The following DYNC1H1 variants were observed in gnomAD, a reference collection of about 807,000 sequenced individuals.
DYNC1H1 encodes the protein dynein cytoplasmic 1 heavy chain 1, also known as cytoplasmic dynein 1 heavy chain 1.
In DYNC1H1, 51 loss-of-function variants were observed where a neutral mutation model predicts 527.1. That is an observed-to-expected ratio of 0.10 (90% CI 0.08 to 0.12). The LOEUF (loss-of-function observed/expected upper bound fraction) is 0.12, where lower values mean the gene tolerates loss of function less well. Among genes scored for constraint, DYNC1H1 ranks in the 10% least tolerant of loss-of-function variants. The pLI is 1.00. For missense variants in DYNC1H1, 2,771 were observed against 5,971.8 expected (o/e 0.46, Z 17.66); for synonymous variants, 2,189 against 2,278.8 (o/e 0.96, Z 1.12).
rs936137952 is a variant in DYNC1H1, at chr14:102,033,553, C to T, written c.10413+69C>T. ...GCAGAGATTAACACACTTCAACATG[C>T]GCTGCATGCACCATGCTGGCCTCGG... On this transcript the variant is annotated intron_variant, in intron 54 of 77. Coordinates refer to ENST00000360184, the MANE Select transcript of DYNC1H1 (RefSeq NM_001376.5). The surrounding 1 kb of genome is among the most constrained non-coding windows in gnomAD (Gnocchi z 5.6). 3.8e-6 allele frequency: 6 copies of T among 1,577,800 alleles called. No homozygotes were observed. In the South Asian group the frequency reaches 5.6e-5, roughly 15 times the overall value.
intron 29 of DYNC1H1, chr14:102,009,221 G>A (rs1360319639): frequency 2.6e-5 from 4 of 154,564 alleles, no homozygotes; most frequent in Non-Finnish European, 4.3e-5. Flanking sequence ...TATTGGGTAA[G>A]TGTGAAATTC....
At chr14:101,975,133 A>C (rs1404161006) in intron 1 of DYNC1H1, among the ~76,000 whole-genome samples, 2 of 152,174 alleles carry the variant, frequency 1.3e-5, no homozygotes, top group African/African-American at 4.8e-5. Flanking sequence ...CAAACTTCTG[A>C]ATTCTCACAT....
At chr14:101,984,446 TTA>T (rs1264190315) in intron 7 of DYNC1H1, among the ~76,000 whole-genome samples, 1 of 123,580 alleles carries the variant, frequency 8.1e-6, no homozygotes, top group African/African-American at 3.6e-5. Flanking sequence ...TATATATATA[TTA>T]TATTTTTTTT....
Position 102,044,757 on chromosome 14 carries a change from G to A in DYNC1H1, c.13006+59G>A, listed in dbSNP as rs1419012211. Reference sequence around the variant, plus strand: ...GGGTGGCGAGGGTCCCCTCACGCGGGGTGGGTGGCGAGGGTCCCCACACGC... The same window carrying A: ...GGGTGGCGAGGGTCCCCTCACGCGGAGTGGGTGGCGAGGGTCCCCACACGC... On this transcript the variant is annotated intron_variant, in intron 72 of 77. Transcript: ENST00000360184. This position sits in a 1 kb window ranked among gnomAD's most constrained non-coding sequence, Gnocchi z 7.1. 2.5e-6 allele frequency: 4 copies of A among 1,584,834 alleles called. No homozygotes were observed. The highest frequency in any genetic ancestry group is 4.5e-5 in the East Asian group (2 of 44,738).
intron 2 of DYNC1H1, among the ~76,000 whole-genome samples, chr14:101,977,683 G>T (rs2047817318): frequency 6.6e-6 from 1 of 152,130 alleles, no homozygotes; most frequent in African/African-American, 2.4e-5. Context: ...CTTTAATCTG[G>T]AGTAGTACTT....
At position 102,000,100 on chromosome 14, in the gene DYNC1H1, T is replaced by G; in HGVS notation, c.3916T>G (p.Leu1306Val). The change falls in exon 17 of 78, where the codon TTG becomes GTG. Residue 1306 changes from leucine to valine, a missense_variant. Around this residue, in one of 32 missense-constraint regions of DYNC1H1, gnomAD observed 223 missense variants for 462.5 expected, o/e 0.48. Coordinates refer to ENST00000360184, the MANE Select transcript of DYNC1H1 (RefSeq NM_001376.5). ...KCAKAKEALE[L>V]TDTGLLSGSE... Reference sequence around the variant, plus strand: ...TGCAAAGGCCAAGGAGGCGCTGGAATTGACAGATACTGGGCTTCTCAGTGG... The same window carrying G: ...TGCAAAGGCCAAGGAGGCGCTGGAAGTGACAGATACTGGGCTTCTCAGTGG... The G allele has an allele frequency of 6.2e-7, 1 of 1,614,186 alleles. No individual in the cohort carries two copies. Among genetic ancestry groups the G allele is most frequent in the South Asian group, 1.1e-5 (1 of 91,080 alleles).
rs2152595867 is a variant in DYNC1H1 at position 102,040,686 on chromosome 14, G to A, written c.11941+13G>A. 1 of 1,614,192 alleles carries A rather than the reference G, an allele frequency of 6.2e-7. No homozygotes were observed. On this transcript the variant is annotated intron_variant, in intron 64 of 77. Coordinates refer to ENST00000360184, the MANE Select transcript of DYNC1H1 (RefSeq NM_001376.5). The stretch of plus-strand genomic sequence containing the variant: ...GAAACACCTGCAAGTAAGCCCCACT[G>A]TGGTTTTCTTTCTGGACCTGAATGT...
At chr14:102,013,248 C>CAAAA (rs57229386) in intron 34 of DYNC1H1, among the ~76,000 whole-genome samples, 56 of 41,236 alleles carry the variant, frequency 1.4e-3, no homozygotes, top group South Asian at 3.2e-3. Context: ...GACTCCGTCT[C>CAAAA]AAAAAAAAAA....
Position 102,047,991 on chromosome 14 carries a change from C to A in DYNC1H1, c.13181C>A (p.Thr4394Lys). ...AACTGGCTGCACCTCATCCCCCAGA[C>A]GCTGAGCCACCTCAAGCGCACCGTG... ...ASNWLHLIPQ[T>K]LSHLKRTVEN... Residue 4394 changes from threonine to lysine, a missense_variant, in exon 73 of 78, where the codon ACG becomes AAG. Coordinates refer to ENST00000360184, the MANE Select transcript of DYNC1H1 (RefSeq NM_001376.5). 1.2e-6 allele frequency: 2 copies of A among 1,612,286 alleles called. No homozygotes were observed. The highest frequency in any genetic ancestry group is 1.7e-6 in the Non-Finnish European group (2 of 1,179,962).
Position 102,033,565 on chromosome 14 carries a change from C to T in DYNC1H1, c.10413+81C>T, listed in dbSNP as rs2048534543. The T allele has an allele frequency of 1.3e-6, 2 of 1,555,850 alleles. No individual in the cohort carries two copies. Among genetic ancestry groups the T allele is most frequent in the Non-Finnish European group, 1.8e-6 (2 of 1,141,724 alleles). ...ACACTTCAACATGCGCTGCATGCAC[C>T]ATGCTGGCCTCGGTGAATTCGCTCT... On this transcript the variant is annotated intron_variant, in intron 54 of 77. Transcript: ENST00000360184. This position sits in a 1 kb window ranked among gnomAD's most constrained non-coding sequence, Gnocchi z 5.6.
rs746386497 is a variant in DYNC1H1, at chr14:101,997,140, A to G, written c.3670A>G (p.Ile1224Val). ...GGGAGAGTGGGGAGCCTTCAATGACATCATGCGGCGAAAGGACTCTGCCAT... is the reference window on the plus strand; with the variant it reads ...GGGAGAGTGGGGAGCCTTCAATGACGTCATGCGGCGAAAGGACTCTGCCAT... ...IEGEWGAFND[I>V]MRRKDSAIQQ... Residue 1224 changes from isoleucine to valine, a missense_variant, in exon 16 of 78, where the codon ATC becomes GTC. Transcript: ENST00000360184. The surrounding 1 kb of genome is among the most constrained non-coding windows in gnomAD (Gnocchi z 4.8). 3 of 1,614,162 alleles carry G rather than the reference A, an allele frequency of 1.9e-6. No homozygotes were observed. The highest frequency in any genetic ancestry group is 2.5e-6 in the Non-Finnish European group (3 of 1,180,030).
chr14:102,036,212 G>T lies in DYNC1H1; in HGVS notation c.10755-277G>T, dbSNP rs150740855. ...TTCTAACAGTGCAGGATGCTGAGAG[G>T]ATGATTGTCCCAGAAGGAAAAAGAT... On this transcript the variant is annotated intron_variant, in intron 56 of 77. Transcript: ENST00000360184. This position sits in a 1 kb window ranked among gnomAD's most constrained non-coding sequence, Gnocchi z 5.6. 3 of 415,404 alleles carry T rather than the reference G, an allele frequency of 7.2e-6. No homozygotes were observed. The highest frequency in any genetic ancestry group is 6.3e-5 in the South Asian group (3 of 47,386). The allele number at this position is 415,404 out of a possible 1,614,324, so 25.7% of individuals were successfully genotyped here.
chr14:102,030,551 T>C (rs2048499435), intron 51 of DYNC1H1: 1 of 445,916 alleles, frequency 2.2e-6, no homozygotes, highest in South Asian at 2.3e-5. Flanking sequence ...TGTGTCAATA[T>C]ACGTTTTTAG....
At chr14:101,982,165 T>A (rs1295883313) in intron 5 of DYNC1H1, among the ~76,000 whole-genome samples, 3 of 152,160 alleles carry the variant, frequency 2.0e-5, no homozygotes, top group Non-Finnish European at 4.4e-5. Context: ...GATTGTGCAC[T>A]CCTTATGAGA....
chr14:102,028,251 C>G lies in DYNC1H1; in HGVS notation c.9468+110C>G. 4.6e-6 allele frequency: 6 copies of G among 1,299,600 alleles called. No individual in the cohort carries two copies. The South Asian group carries it at 7.5e-5, about 16-fold the overall frequency. 80.5% of individuals were successfully genotyped at this position (1,299,600 alleles called of 1,614,324 possible). A position where few individuals can be genotyped will look rare whatever the true frequency, so the allele number is the denominator to read the frequency against. ...TTAAGGCCAGGTGCAGTGACTCATG[C>G]CTGTAATCCCAGCACTTTGGGAGGC... On this transcript the variant is annotated intron_variant, in intron 48 of 77. Coordinates refer to ENST00000360184, the MANE Select transcript of DYNC1H1 (RefSeq NM_001376.5).
intron 8 of DYNC1H1, among the ~76,000 whole-genome samples, 160 bp from the exon 9 acceptor site, chr14:101,987,293 G>A (rs1007749839): frequency 2.0e-5 from 3 of 152,244 alleles, no homozygotes; most frequent in Non-Finnish European, 2.9e-5. Context: ...ACATGCGAGT[G>A]GGGATTAGTG....
At chr14:101,972,338 G>A (rs762590806) in intron 1 of DYNC1H1, among the ~76,000 whole-genome samples, 6 of 152,170 alleles carry the variant, frequency 3.9e-5, no homozygotes, top group Non-Finnish European at 7.3e-5. Flanking sequence ...TGTTTGATCC[G>A]TGTCTTTATA....
chr14:101,988,700 T>C lies in DYNC1H1; in HGVS notation c.2719-3T>C. On this transcript the variant is annotated splice_region_variant and splice_polypyrimidine_tract_variant and intron_variant, in intron 9 of 77. Transcript: ENST00000360184. ...CTGTTCTCTGATATAACGTTGTCTG[T>C]AGATTGAAAGAATATTGGGCGTCCG... The C allele has an allele frequency of 6.2e-7, 1 of 1,614,168 alleles. No individual in the cohort carries two copies. The highest frequency in any genetic ancestry group is 8.5e-7 in the Non-Finnish European group (1 of 1,180,020).
Position 102,049,314 on chromosome 14 carries a change from G to A in DYNC1H1, c.13373-126G>A. The A allele has an allele frequency of 7.2e-7, 1 of 1,383,538 alleles. No individual in the cohort carries two copies. Among genetic ancestry groups the A allele is most frequent in the Non-Finnish European group, 1.0e-6 (1 of 999,440 alleles). The allele number at this position is 1,383,538 out of a possible 1,614,324, so 85.7% of individuals were successfully genotyped here. ...GGGCATAAAGTGCAGCCTGGGAAAG[G>A]CAGTAGGTGGAGCCGCCAGCCGCCT... On this transcript the variant is annotated intron_variant, in intron 74 of 77. Coordinates refer to ENST00000360184, the MANE Select transcript of DYNC1H1 (RefSeq NM_001376.5). The surrounding 1 kb of genome is among the most constrained non-coding windows in gnomAD (Gnocchi z 5.5).
Sources: allele counts gnomAD v4.1 joint callset (sites outside exome capture counted in the v4.1 genomes callset), GRCh38; gene constraint gnomAD v4.1.1; regional missense constraint gnomAD v4.1.1; non-coding constraint Gnocchi (gnomAD v3.1); transcripts MANE v1.5; gene names NCBI Gene and HGNC (gene_info 2026-07-23, HGNC 2026-07-21).